EMILIN2: variants seen among roughly 807,000 people sequenced by gnomAD.
The protein encoded by EMILIN2 is EMILIN-2.
A neutral mutation model predicts 87.1 loss-of-function variants in EMILIN2; 71 were observed. That is an observed-to-expected ratio of 0.82 (90% confidence interval 0.67 to 0.99). The LOEUF (loss-of-function observed/expected upper bound fraction) is 0.99, where lower values mean the gene tolerates loss of function less well. EMILIN2 is among the 50% of genes least tolerant of loss of function. The probability of loss-of-function intolerance (pLI) is 0.00; values close to 1 mark genes in which losing one functional copy is unlikely to be tolerated. For synonymous variants in EMILIN2, 581 were observed against 563.4 expected, an observed-to-expected ratio of 1.03 and a Z score of -0.44; for missense variants, 1,407 against 1,371.8, an observed-to-expected ratio of 1.03 and a Z score of -0.40.
rs1480313824 is a variant in EMILIN2 at position 2,890,169 on chromosome 18, T to C, written c.434-392T>C. On this transcript the variant is annotated intron_variant, in intron 3 of 7. Coordinates refer to ENST00000254528, the MANE Select transcript of EMILIN2 (RefSeq NM_032048.3). This position sits in a 1 kb window ranked among gnomAD's most constrained non-coding sequence, Gnocchi z 4.7. ...GGGGTGTGGCTGCAGTTCACTAATA[T>C]GGGAATGAAGTGTTCATATGATAAA... 2.0e-5 allele frequency among the ~76,000 whole-genome samples: 3 copies of C among 152,226 alleles called. No individual in the cohort carries two copies. Among genetic ancestry groups the C allele is most frequent in the Non-Finnish European group, 4.4e-5 (3 of 68,034 alleles).
Position 2,891,102 on chromosome 18 carries a change from G to T in EMILIN2, c.975G>T (p.Leu325=). ...ATGTGGACAGTAAGATCGACGCCCT[G>T]AGAGAGGAGCTCATGGAGGGCATGG... ...QAYVDSKIDA[L]REELMEGMDR... Residue 325 remains leucine (L), a synonymous_variant, in exon 4 of 8, where the codon CTG becomes CTT. Coordinates refer to ENST00000254528, the MANE Select transcript of EMILIN2 (RefSeq NM_032048.3). This position sits in a 1 kb window ranked among gnomAD's most constrained non-coding sequence, Gnocchi z 4.6. The T allele has an allele frequency of 6.2e-7, 1 of 1,614,194 alleles. No homozygotes were observed. Among genetic ancestry groups the T allele is most frequent in the Non-Finnish European group, 8.5e-7 (1 of 1,180,038 alleles).
intron 4 of EMILIN2, chr18:2,906,094 G>C (rs1235619655): frequency 6.6e-6 from 1 of 152,278 alleles, no homozygotes; most frequent in African/African-American, 2.4e-5. Flanking sequence ...GGGTCCCTCA[G>C]CCAGGCCCGG....
At chr18:2,846,699 C>A (rs1278673183), upstream of EMILIN2, 4 of 972,094 alleles carry the variant, frequency 4.1e-6, no homozygotes, top group African/African-American at 7.0e-5. This position sits in a 1 kb window ranked among gnomAD's most constrained non-coding sequence, Gnocchi z 5.3. Context: ...CCAGACTCGC[C>A]GACGGCGGCC....
At chr18:2,858,601 A>ATATATATATATATATATG (rs745894577) in intron 2 of EMILIN2, among the ~76,000 whole-genome samples, 2 of 103,606 alleles carry the variant, frequency 1.9e-5, no homozygotes, top group Admixed American at 9.5e-5. Flanking sequence ...ATATATATAT[A>ATATATATATATATATATG]TGTGTATATA....
chr18:2,866,197 G>A (rs1598488204), intron 2 of EMILIN2, among the ~76,000 whole-genome samples: 1 of 152,304 alleles, frequency 6.6e-6, no homozygotes, highest in Non-Finnish European at 1.5e-5. Context: ...CTCACACTGA[G>A]TGTGCTGCAC....
Position 2,847,120 on chromosome 18 carries a change from C to G in EMILIN2, c.-69C>G. 1 of 1,073,340 alleles carries G rather than the reference C, an allele frequency of 9.3e-7. No individual in the cohort carries two copies. Among genetic ancestry groups the G allele is most frequent in the Non-Finnish European group, 1.1e-6 (1 of 884,504 alleles). The allele number at this position is 1,073,340 out of a possible 1,614,324, so 66.5% of individuals were successfully genotyped here. On this transcript the variant is annotated 5_prime_UTR_variant, in exon 1 of 8. Transcript: ENST00000254528. The surrounding 1 kb of genome is among the most constrained non-coding windows in gnomAD (Gnocchi z 4.5). ...GGGCGGCGCCCTGGCCGCCGGCAGCCTTGTGGCCGGTGCCCCGATCCGCCG... is the reference window on the plus strand; with the variant it reads ...GGGCGGCGCCCTGGCCGCCGGCAGCGTTGTGGCCGGTGCCCCGATCCGCCG...
In EMILIN2 at chr18:2,847,195, C is replaced by T; in HGVS notation, c.7C>T (p.Gln3Ter). 1 of 1,180,916 alleles carries T rather than the reference C, an allele frequency of 8.5e-7. No individual in the cohort carries two copies. Among genetic ancestry groups the T allele is most frequent in the Non-Finnish European group, 1.0e-6 (1 of 957,748 alleles). The allele number at this position is 1,180,916 out of a possible 1,614,324, so 73.2% of individuals were successfully genotyped here. The change falls in exon 1 of 8, where the codon CAG becomes TAG. Residue 3 changes from glutamine (Q) to a stop codon, truncating the protein, a stop_gained. Coordinates refer to ENST00000254528, the MANE Select transcript of EMILIN2 (RefSeq NM_032048.3). LOFTEE classifies it high-confidence loss of function. The surrounding 1 kb of genome is among the most constrained non-coding windows in gnomAD (Gnocchi z 4.5). ...CGCGCCCGCTGCGCGCGGGATGTGG[C>T]AGCCCAGACGGCCCTGGCCCCGCGT... The part of the protein sequence containing the change: MW[Q>*]PRRPWPRVPW...
rs767771321 is a variant in EMILIN2 at position 2,913,258 on chromosome 18, G to A, written c.3016G>A (p.Gly1006Arg). ...PGALHTCGGP[G>R]AFHLIVHLKA... is the part of the protein sequence containing the mutation. ...AGCTTTGCATACCTGCGGGGGCCCG[G>A]GGGCATTCCACCTCATCGTGCACCT... The change falls in exon 8 of 8, where the codon GGG (glycine) becomes AGG (arginine). Residue 1006 changes from glycine to arginine, a missense_variant. Transcript: ENST00000254528. 1.2e-6 allele frequency: 2 copies of A among 1,613,922 alleles called. No homozygotes were observed. Among genetic ancestry groups the A allele is most frequent in the Non-Finnish European group, 1.7e-6 (2 of 1,179,850 alleles).
Position 2,847,071 on chromosome 18 carries a change from A to C in EMILIN2, c.-118A>C. On this transcript the variant is annotated 5_prime_UTR_variant, in exon 1 of 8. Coordinates refer to ENST00000254528, the MANE Select transcript of EMILIN2 (RefSeq NM_032048.3). The surrounding 1 kb of genome is among the most constrained non-coding windows in gnomAD (Gnocchi z 4.5). ...CGGAGCACTGGTTGGAGCGCCGCGA[A>C]GCGCCCGAGCCTCTTGCCTTCGCGG... 9.3e-7 allele frequency: 1 copy of C among 1,078,786 alleles called. No homozygotes were observed. The highest frequency in any genetic ancestry group is 1.1e-6 in the Non-Finnish European group (1 of 882,718). The allele number at this position is 1,078,786 out of a possible 1,614,324, so 66.8% of individuals were successfully genotyped here. A position where few individuals can be genotyped will look rare whatever the true frequency, so the allele number is the denominator to read the frequency against.
chr18:2,872,117 T>A (rs1255205506), intron 2 of EMILIN2, among the ~76,000 whole-genome samples: 1 of 152,218 alleles, frequency 6.6e-6, no homozygotes, highest in Non-Finnish European at 1.5e-5. Context: ...ATAGTTTCCA[T>A]ATCAGTATAA....
intron 2 of EMILIN2, among the ~76,000 whole-genome samples, chr18:2,883,618 G>T (rs1473963307): frequency 1.3e-5 from 2 of 152,210 alleles, no homozygotes; most frequent in Non-Finnish European, 2.9e-5. Flanking sequence ...TCCTTCCCTG[G>T]TGAGCCCGGG....
intron 7 of EMILIN2, among the ~76,000 whole-genome samples, chr18:2,912,349 C>G (rs779842451): frequency 2.0e-5 from 3 of 152,062 alleles, no homozygotes; most frequent in Non-Finnish European, 2.9e-5. Context: ...CCAGGACCAC[C>G]CTTTTTAGCT....
chr18:2,912,915 TA>T, intron 7 of EMILIN2, 151 bp from the exon 8 acceptor site: 1 of 779,422 alleles, frequency 1.3e-6, no homozygotes, highest in East Asian at 2.7e-5. Context: ...GGGATGAGCA[TA>T]AAAAGCAGCT....
At chr18:2,886,375 A>G (rs983818326) in intron 3 of EMILIN2, among the ~76,000 whole-genome samples, 1 of 152,222 alleles carries the variant, frequency 6.6e-6, no homozygotes, top group Admixed American at 6.5e-5. Flanking sequence ...AAGTTTAAGC[A>G]TATTGTAGTT....
rs779765125 is a variant in EMILIN2, at chr18:2,890,553, T to C, written c.434-8T>C. ...GTTCATTCATGTCCAACTTTATCTT[T>C]GTAACAGATAATGAACCCAGCCAAT... is the stretch of plus-strand genomic sequence containing the variant. On this transcript the variant is annotated splice_polypyrimidine_tract_variant and splice_region_variant and intron_variant, in intron 3 of 7. Transcript: ENST00000254528. The surrounding 1 kb of genome is among the most constrained non-coding windows in gnomAD (Gnocchi z 4.7). 1.9e-6 allele frequency: 3 copies of C among 1,545,226 alleles called. No homozygotes were observed. The highest frequency in any genetic ancestry group is 2.6e-6 in the Non-Finnish European group (3 of 1,144,440).
At chr18:2,858,543 A>ATGTGTGTGTG (rs1485556382) in intron 2 of EMILIN2, among the ~76,000 whole-genome samples, 2 of 38,870 alleles carry the variant, frequency 5.1e-5, no homozygotes, top group Non-Finnish European at 8.6e-5. Context: ...ATATATATAT[A>ATGTGTGTGTG]TATATATATA....
Position 2,890,639 on chromosome 18 carries a change from A to G in EMILIN2, c.512A>G (p.Asp171Gly), listed in dbSNP as rs2076830042. The G allele has an allele frequency of 6.2e-7, 1 of 1,613,998 alleles. No individual in the cohort carries two copies. The highest frequency in any genetic ancestry group is 8.5e-7 in the Non-Finnish European group (1 of 1,179,846). ...ACAGCACAACCAAGCTGGGGGGTAGATCCAAAAGAGGGGCCTCAGGAACTT... is the reference window on the plus strand; with the variant it reads ...ACAGCACAACCAAGCTGGGGGGTAGGTCCAAAAGAGGGGCCTCAGGAACTT... ...TGTAQPSWGV[D>G]PKEGPQELQE... Residue 171 changes from aspartate to glycine, a missense_variant, in exon 4 of 8, where the codon GAT (aspartate) becomes GGT (glycine). Physicochemically the swap from Asp to Gly is moderately conservative, Grantham distance 94. Transcript: ENST00000254528. This position sits in a 1 kb window ranked among gnomAD's most constrained non-coding sequence, Gnocchi z 4.7.
At chr18:2,902,778 G>A (rs560907045) in intron 4 of EMILIN2, among the ~76,000 whole-genome samples, 3 of 152,264 alleles carry the variant, frequency 2.0e-5, no homozygotes, top group African/African-American at 7.2e-5. Context: ...AAGGATCCAA[G>A]CAATATTTCC....
At chr18:2,907,190 G>T (rs549268561) in intron 5 of EMILIN2, 105 bp downstream of exon 5, 25 of 1,157,346 alleles carry the variant, frequency 2.2e-5, no homozygotes, top group Admixed American at 1.7e-4. Context: ...CCAGCCTTCG[G>T]GGGGGCAAGT....
Sources: allele counts gnomAD v4.1 joint callset (sites outside exome capture counted in the v4.1 genomes callset), GRCh38; gene constraint gnomAD v4.1.1; non-coding constraint Gnocchi (gnomAD v3.1); transcripts MANE v1.5; gene names NCBI Gene and HGNC (gene_info 2026-07-23, HGNC 2026-07-21).